MYO16: variants seen among roughly 807,000 people sequenced by gnomAD.
MYO16 encodes the protein unconventional myosin-XVI.
A neutral mutation model predicts 205.3 loss-of-function variants in MYO16; 94 were observed. The observed-to-expected ratio is 0.46, with a 90% CI of 0.39 to 0.54. MYO16 has a LOEUF of 0.54. MYO16 is among the 20% of genes least tolerant of loss of function. The probability of loss-of-function intolerance (pLI) is 0.00; values close to 1 mark genes in which losing one functional copy is unlikely to be tolerated. For missense variants in MYO16, 2,315 were observed against 2,387.5 expected, an observed-to-expected ratio of 0.97 and a Z score of 0.63; for synonymous variants, 988 against 954.0, an observed-to-expected ratio of 1.04 and a Z score of -0.66.
chr13:109,195,767 C>T (rs1316856270), intron 34 of MYO16, among the ~76,000 whole-genome samples: 1 of 152,002 alleles, frequency 6.6e-6, no homozygotes, highest in African/African-American at 2.4e-5. Flanking sequence ...AATTATTTAA[C>T]AAAGACTATT....
chr13:108,739,365 G>T (rs1717116281), intron 4 of MYO16, among the ~76,000 whole-genome samples: 1 of 152,100 alleles, frequency 6.6e-6, no homozygotes, highest in Admixed American at 6.6e-5. Flanking sequence ...TTGCTTATCT[G>T]TAAAGGATTT....
intron 11 of MYO16, among the ~76,000 whole-genome samples, chr13:108,861,482 G>A (rs1878446770): frequency 3.3e-5 from 5 of 152,000 alleles, no homozygotes. Context: ...AAACAGTTTT[G>A]CACCTTTTTA....
At chr13:108,585,679 T>C in the MYO16 span, among the ~76,000 whole-genome samples, 5 of 152,124 alleles carry the variant, frequency 3.3e-5, no homozygotes, top group Non-Finnish European at 5.9e-5. Context: ...GGGTTAAGTA[T>C]TTTTTTCCTT....
intron 1 of MYO16, among the ~76,000 whole-genome samples, chr13:108,601,352 G>C (rs1024390709): frequency 3.9e-5 from 6 of 151,926 alleles, no homozygotes; most frequent in Non-Finnish European, 8.8e-5. Context: ...CTTTCAGTAG[G>C]TTCCATCCCA....
intron 1 of MYO16, among the ~76,000 whole-genome samples, chr13:108,642,238 T>G (rs1189355495): frequency 6.6e-6 from 1 of 152,176 alleles, no homozygotes; most frequent in African/African-American, 2.4e-5. Flanking sequence ...CAGGAGACAG[T>G]GCAGGTACAG....
intron 27 of MYO16, among the ~76,000 whole-genome samples, chr13:109,073,002 C>T (rs1304960109): frequency 6.6e-6 from 1 of 152,098 alleles, no homozygotes; most frequent in Non-Finnish European, 1.5e-5. Context: ...TTATAGACTA[C>T]ATTAGGATAT....
At chr13:108,598,326 C>G (rs1288338138) in intron 1 of MYO16, among the ~76,000 whole-genome samples, 2 of 152,028 alleles carry the variant, frequency 1.3e-5, no homozygotes, top group African/African-American at 2.4e-5. Flanking sequence ...GAGAGACAGA[C>G]AGACAGACAG....
chr13:108,910,205 AT>A, intron 16 of MYO16, 55 bp downstream of exon 16: 1 of 1,530,442 alleles, frequency 6.5e-7, no homozygotes, highest in Non-Finnish European at 9.0e-7. Context: ...TGTGATTGCA[AT>A]TTGGTAGTCT....
chr13:109,155,233 G>C (rs749529183), intron 32 of MYO16, among the ~76,000 whole-genome samples: 2 of 152,148 alleles, frequency 1.3e-5, no homozygotes, highest in Non-Finnish European at 1.5e-5. Flanking sequence ...GACTTGGCGG[G>C]GGGGTGGGTG....
intron 7 of MYO16, among the ~76,000 whole-genome samples, chr13:108,814,996 G>T (rs529687212): frequency 6.6e-6 from 1 of 152,078 alleles, no homozygotes; most frequent in Admixed American, 6.6e-5. Context: ...AAATAGCAAA[G>T]AATCTCCAAA....
At chr13:108,632,065 C>G (rs1295733121) in intron 1 of MYO16, among the ~76,000 whole-genome samples, 1 of 58,876 alleles carries the variant, frequency 1.7e-5, no homozygotes, top group South Asian at 5.8e-4. Flanking sequence ...GTGACAAGAG[C>G]AAAACCCCAA....
chr13:109,116,472 C>T (rs2139750901), intron 28 of MYO16, among the ~76,000 whole-genome samples: 1 of 152,200 alleles, frequency 6.6e-6, no homozygotes, highest in Middle Eastern at 3.4e-3. Flanking sequence ...CAATCCGTGG[C>T]TCCCAGAAAG....
At chr13:108,852,922 G>A (rs746701677) in intron 10 of MYO16, among the ~76,000 whole-genome samples, 1 of 152,182 alleles carries the variant, frequency 6.6e-6, no homozygotes, top group Non-Finnish European at 1.5e-5. Flanking sequence ...TGTACAACTG[G>A]GGTTTAAACA....
rs200385244 is a variant in MYO16 at position 109,055,580 on chromosome 13, C to T, written c.3320C>T (p.Ser1107Leu). 3.1e-6 allele frequency: 5 copies of T among 1,610,256 alleles called. No individual in the cohort carries two copies. Among genetic ancestry groups the T allele is most frequent in the East Asian group, 4.5e-5 (2 of 44,854 alleles). ...GGATACCCTGTTCGCCTTTCCTTCTCGGATTTCCTGTCAAGGTAAATTCTT... is the reference window on the plus strand; with the variant it reads ...GGATACCCTGTTCGCCTTTCCTTCTTGGATTTCCTGTCAAGGTAAATTCTT... ...RYGYPVRLSF[S>L]DFLSRYKPLA... The change falls in exon 27 of 35, where the codon TCG (serine) becomes TTG (leucine). Residue 1107 changes from serine to leucine, a missense_variant. By Grantham distance (145) the Ser-to-Leu change is moderately radical. Transcript: ENST00000457511. The surrounding 1 kb of genome is among the most constrained non-coding windows in gnomAD (Gnocchi z 5.0).
At chr13:108,534,913 T>C in the MYO16 span, among the ~76,000 whole-genome samples, 1 of 150,860 alleles carries the variant, frequency 6.6e-6, no homozygotes, top group East Asian at 2.0e-4. Flanking sequence ...CTTCTTCTTC[T>C]CCTTCCTCTC....
At chr13:109,023,657 A>T (rs1173064657) in intron 23 of MYO16, among the ~76,000 whole-genome samples, 2 of 129,422 alleles carry the variant, frequency 1.5e-5, no homozygotes, top group African/African-American at 5.8e-5. Context: ...ATATGTATAT[A>T]TGTATATATG....
At position 108,994,521 on chromosome 13, in the gene MYO16, G is replaced by A. The variant is rs948248852; in HGVS notation, c.2442+2073G>A. Among the ~76,000 whole-genome samples the A allele has an allele frequency of 3.9e-5, 6 of 152,048 alleles. 1 individual carries two copies. The highest frequency in any genetic ancestry group is 1.3e-4 in the Admixed American group (2 of 15,256). ...TTTTTTTAAGACCATTGGTTTGAGC[G>A]ATACATTTTAGATTTCTGTGTTGCT... On this transcript the variant is annotated intron_variant, in intron 21 of 34. Transcript: ENST00000457511.
intron 1 of MYO16, among the ~76,000 whole-genome samples, chr13:108,651,012 G>C (rs905433773): frequency 6.6e-6 from 1 of 152,184 alleles, no homozygotes; most frequent in Non-Finnish European, 1.5e-5. Context: ...CTGTGAGGTA[G>C]ACACGAGACA....
rs550245099 is a variant in MYO16, at chr13:108,869,506, C to T, written c.1425+3264C>T. On this transcript the variant is annotated intron_variant, in intron 12 of 34. Coordinates refer to ENST00000457511, the MANE Select transcript of MYO16 (RefSeq NM_001198950.3). ...TTGGGAGGCCGAGGCGGGCGAATCA[C>T]GAGGTCAGGAGATCGAGACCATCCT... is the stretch of plus-strand genomic sequence containing the variant. Among the ~76,000 whole-genome samples the T allele has an allele frequency of 2.3e-3, 354 of 151,194 alleles. 1 individual carries two copies. The highest frequency in any genetic ancestry group is 8.1e-3 in the African/African-American group (335 of 41,196).
Sources: gnomAD v4.1 joint callset for allele counts (sites outside exome capture counted in the v4.1 genomes callset) on GRCh38, gnomAD v4.1.1 for gene constraint, Gnocchi (gnomAD v3.1) non-coding constraint, MANE v1.5 for transcripts, NCBI Gene and HGNC (gene_info 2026-07-23, HGNC 2026-07-21) for gene names.